Variants in PALS2 observed in about 807,000 individuals in gnomAD.
PALS2 encodes protein PALS2.
Under a neutral mutation model 61.6 loss-of-function variants are expected in PALS2, and 27 were observed. That is an observed-to-expected ratio of 0.44 (90% confidence interval 0.32 to 0.60). The LOEUF is 0.60. PALS2 is among the 20% of genes least tolerant of loss of function. The pLI, the probability that PALS2 is intolerant of heterozygous loss-of-function variation, is 0.05. For synonymous variants in PALS2, 236 were observed against 218.6 expected, an observed-to-expected ratio of 1.08 and a Z score of -0.70; for missense variants, 554 against 639.4, an observed-to-expected ratio of 0.87 and a Z score of 1.44.
At chr7:24,664,236 G>C (rs535453493) in intron 6 of PALS2, among the ~76,000 whole-genome samples, 4 of 152,164 alleles carry the variant, frequency 2.6e-5, no homozygotes, top group Admixed American at 2.6e-4. Context: ...TTTGGTTTTG[G>C]ATTAAAATCT....
chr7:24,597,098 G>T (rs1344271538), intron 1 of PALS2: 1 of 152,168 alleles, frequency 6.6e-6, no homozygotes, highest in Non-Finnish European at 1.5e-5. Context: ...AGTAGGCTTG[G>T]TTAGAGTCAG....
chr7:24,583,606 G>T (rs1042974787), intron 1 of PALS2, among the ~76,000 whole-genome samples: 1 of 150,244 alleles, frequency 6.7e-6, no homozygotes, highest in African/African-American at 2.4e-5. Flanking sequence ...CATTTTTGAG[G>T]ATATCTTATT....
rs1782537284 is a variant in PALS2, at chr7:24,573,687, G to GC, written c.-3+95dup. On this transcript the variant is annotated intron_variant, in intron 1 of 11. Coordinates refer to ENST00000222644, the MANE Select transcript of PALS2 (RefSeq NM_001303037.2). This position sits in a 1 kb window ranked among gnomAD's most constrained non-coding sequence, Gnocchi z 5.3. ...CCTGTTGCTCGGCGCGGCGCGCCAC[G>GC]CGGGGACCCTGGCCCGCCCCGCCCC... The GC allele has an allele frequency of 5.6e-6, 1 of 179,978 alleles. No individual in the cohort carries two copies. Among genetic ancestry groups the GC allele is most frequent in the South Asian group, 1.8e-4 (1 of 5,674 alleles). The allele number at this position is 179,978 out of a possible 1,614,324, so 11.1% of individuals were successfully genotyped here.
intron 1 of PALS2, 122 bp from the exon 2 acceptor site, chr7:24,623,544 A>G: frequency 1.7e-6 from 1 of 581,854 alleles, no homozygotes. Context: ...TTATTTTTCC[A>G]AAGAGTATTC....
chr7:24,665,963 G>A, intron 7 of PALS2, 58 bp from the exon 8 acceptor site: 2 of 1,491,678 alleles, frequency 1.3e-6, no homozygotes, highest in Non-Finnish European at 1.9e-6. Flanking sequence ...ATACTATAGG[G>A]CAATTTTTTC....
intron 1 of PALS2, among the ~76,000 whole-genome samples, chr7:24,591,432 T>A (rs2128043466): frequency 6.6e-6 from 1 of 152,106 alleles, no homozygotes; most frequent in South Asian, 2.1e-4. Context: ...ATAAAGCAAA[T>A]CACATTACAA....
At chr7:24,637,538 A>G (rs1237838870) in intron 2 of PALS2, among the ~76,000 whole-genome samples, 1 of 152,114 alleles carries the variant, frequency 6.6e-6, no homozygotes, top group Non-Finnish European at 1.5e-5. Flanking sequence ...AGCTTTTTCA[A>G]GAAATAATAA....
chr7:24,622,997 T>C (rs972846274), intron 1 of PALS2, among the ~76,000 whole-genome samples: 12 of 152,064 alleles, frequency 7.9e-5, no homozygotes, highest in African/African-American at 2.9e-4. Context: ...GTTGAACCAC[T>C]CGTTCATTCC....
rs202055241 is a variant in PALS2 at position 24,613,121 on chromosome 7, CTA to C, written c.-2-10543_-2-10542del. 6.4e-3 allele frequency among the ~76,000 whole-genome samples: 964 copies of C among 151,574 alleles called. 9 individuals carry two copies. Among genetic ancestry groups the C allele is most frequent in the African/African-American group, 0.022 (920 of 41,466 alleles). On this transcript the variant is annotated intron_variant, in intron 1 of 11. Transcript: ENST00000222644. ...TAATTTTTTAACTAAGTTTTGAAGT[CTA>C]TGTAGAAATTGGAAAGCTTTCAGTC...
chr7:24,626,198 C>T (rs953993142), intron 2 of PALS2, among the ~76,000 whole-genome samples: 1 of 151,762 alleles, frequency 6.6e-6, no homozygotes, highest in Non-Finnish European at 1.5e-5. Flanking sequence ...ATCAAAAATA[C>T]AGTATCTGAA....
chr7:24,680,323 A>G, intron 10 of PALS2, 69 bp from the exon 11 acceptor site: 3 of 1,494,064 alleles, frequency 2.0e-6, no homozygotes, highest in South Asian at 2.3e-5. Context: ...CCTTTGATAT[A>G]TACTAAAGGG....
chr7:24,672,809 C>T (rs906246047), intron 9 of PALS2, among the ~76,000 whole-genome samples: 3 of 152,160 alleles, frequency 2.0e-5, no homozygotes, highest in Non-Finnish European at 4.4e-5. Flanking sequence ...GTGGGTTCCT[C>T]AGGATTTTCT....
chr7:24,678,575 C>T (rs1042024796), intron 9 of PALS2, among the ~76,000 whole-genome samples: 5 of 152,224 alleles, frequency 3.3e-5, no homozygotes, highest in South Asian at 2.1e-4. Context: ...TTTGCTTGCT[C>T]ACGTTTTGGG....
intron 5 of PALS2, 40 bp downstream of exon 5, chr7:24,650,752 A>G (rs1234549837): frequency 3.1e-6 from 4 of 1,290,762 alleles, no homozygotes; most frequent in Middle Eastern, 2.0e-4. Context: ...AAATACTTTC[A>G]TGTTTTTAAT....
rs78056202 is a variant in PALS2, at chr7:24,622,824, A to G, written c.-2-842A>G. Among the ~76,000 whole-genome samples the G allele has an allele frequency of 5.3e-4, 81 of 151,854 alleles. 1 individual carries two copies. The East Asian group carries it at 0.014, about 27-fold the overall frequency. ...GTATGATATTAGCTGTGGGTTTTTCATAGAAGCCTTTTATCAGAGAGAAGA... is the reference window on the plus strand; with the variant it reads ...GTATGATATTAGCTGTGGGTTTTTCGTAGAAGCCTTTTATCAGAGAGAAGA... On this transcript the variant is annotated intron_variant, in intron 1 of 11. Transcript: ENST00000222644.
chr7:24,594,050 C>G (rs1252577528), intron 1 of PALS2, among the ~76,000 whole-genome samples: 1 of 152,122 alleles, frequency 6.6e-6, no homozygotes, highest in East Asian at 1.9e-4. Flanking sequence ...CATCAATGAT[C>G]TTAGCTAGAT....
rs564163480 is a variant in PALS2 at position 24,603,080 on chromosome 7, T to G, written c.-2-20586T>G. Among the ~76,000 whole-genome samples, 108 of 152,292 alleles carry G rather than the reference T, an allele frequency of 7.1e-4. 1 individual carries two copies. Among genetic ancestry groups the G allele is most frequent in the Non-Finnish European group, 1.2e-3 (80 of 68,014 alleles). On this transcript the variant is annotated intron_variant, in intron 1 of 11. Transcript: ENST00000222644. ...GGGTCATACCAGCATGGGAACAGAC[T>G]AATACAGTAAGAAGGCATCCCTCTG... is the stretch of plus-strand genomic sequence containing the variant.
chr7:24,635,609 C>T (rs1438653848), intron 2 of PALS2, among the ~76,000 whole-genome samples: 1 of 152,122 alleles, frequency 6.6e-6, no homozygotes, highest in Non-Finnish European at 1.5e-5. Context: ...GAGTGGACAT[C>T]TTTGTCTTGT....
At chr7:24,677,010 A>G (rs973402905) in intron 9 of PALS2, among the ~76,000 whole-genome samples, 13 of 151,568 alleles carry the variant, frequency 8.6e-5, no homozygotes, top group Admixed American at 7.2e-4. Flanking sequence ...ACCCATGAGC[A>G]TGGAATGTTC....
Sources: allele counts gnomAD v4.1 joint callset (sites outside exome capture counted in the v4.1 genomes callset), GRCh38; gene constraint gnomAD v4.1.1; non-coding constraint Gnocchi (gnomAD v3.1); transcripts MANE v1.5; gene names NCBI Gene and HGNC (gene_info 2026-07-23, HGNC 2026-07-21).